The following NELL1 variants were observed in gnomAD, a reference collection of about 807,000 sequenced individuals.
NELL1 encodes the protein neural EGFL like 1.
NELL1 carries 76 observed loss-of-function variants against 107.4 expected under a neutral mutation model. That is an observed-to-expected ratio of 0.71 (90% CI 0.59 to 0.86). The LOEUF (loss-of-function observed/expected upper bound fraction) is 0.86. Among genes scored for constraint, NELL1 ranks in the 40% least tolerant of loss-of-function variants. The pLI, the probability that NELL1 is intolerant of heterozygous loss-of-function variation, is 0.00. For missense variants in NELL1, 1,024 were observed against 1,005.5 expected (o/e 1.02, Z -0.25); for synonymous variants, 353 against 341.2 (o/e 1.03, Z -0.38).
intron 2 of NELL1, among the ~76,000 whole-genome samples, chr11:20,722,975 G>A (rs1855426759): frequency 6.6e-6 from 1 of 152,122 alleles, no homozygotes; most frequent in South Asian, 2.1e-4. Context: ...GCAGGAGAGA[G>A]AGAGAATGAG....
intron 13 of NELL1, among the ~76,000 whole-genome samples, chr11:21,134,112 G>A (rs1347507001): frequency 1.3e-5 from 2 of 152,248 alleles, no homozygotes; most frequent in East Asian, 3.9e-4. Flanking sequence ...TGACTTTGGG[G>A]AAGACACTTT....
At chr11:21,252,987 T>C (rs1858678272) in intron 14 of NELL1, among the ~76,000 whole-genome samples, 1 of 152,102 alleles carries the variant, frequency 6.6e-6, no homozygotes, top group African/African-American at 2.4e-5. Flanking sequence ...ATACTTTACT[T>C]TGAAGTATTT....
intron 14 of NELL1, among the ~76,000 whole-genome samples, chr11:21,327,533 C>T (rs1038670239): frequency 1.3e-5 from 2 of 152,080 alleles, no homozygotes; most frequent in African/African-American, 2.4e-5. Context: ...TACCTAGTCT[C>T]CAGTGTGTCT....
intron 15 of NELL1, among the ~76,000 whole-genome samples, chr11:21,532,261 T>C (rs1175267177): frequency 2.0e-5 from 3 of 152,206 alleles, no homozygotes; most frequent in African/African-American, 7.2e-5. Context: ...TCACTGCTTT[T>C]GAAAGACTCC....
At chr11:21,003,686 G>T (rs1852271668) in intron 12 of NELL1, among the ~76,000 whole-genome samples, 1 of 152,108 alleles carries the variant, frequency 6.6e-6, no homozygotes, top group Admixed American at 6.6e-5. Flanking sequence ...CACTTGGTAA[G>T]CTGCAGGATG....
At chr11:21,560,778 C>T (rs1856830972) in intron 17 of NELL1, among the ~76,000 whole-genome samples, 1 of 152,086 alleles carries the variant, frequency 6.6e-6, no homozygotes, top group South Asian at 2.1e-4. Context: ...CATGAACTTG[C>T]TCACTTTATG....
At chr11:20,972,170 A>G (rs911292570) in intron 12 of NELL1, among the ~76,000 whole-genome samples, 1 of 152,340 alleles carries the variant, frequency 6.6e-6, no homozygotes, top group South Asian at 2.1e-4. Context: ...CACGACCTGT[A>G]CATATATCCC....
chr11:21,427,046 C>T (rs796806004), intron 15 of NELL1, among the ~76,000 whole-genome samples: 4 of 152,260 alleles, frequency 2.6e-5, no homozygotes, highest in African/African-American at 9.6e-5. Flanking sequence ...AGCCAGGCAG[C>T]TGGTGGTGCG....
intron 2 of NELL1, among the ~76,000 whole-genome samples, chr11:20,733,252 T>G (rs1169877317): frequency 6.6e-6 from 1 of 152,214 alleles, no homozygotes; most frequent in East Asian, 1.9e-4. Flanking sequence ...TCTTCTAACA[T>G]TCAGCTACAA....
chr11:21,442,078 T>G (rs753178918), intron 15 of NELL1, among the ~76,000 whole-genome samples: 4 of 152,176 alleles, frequency 2.6e-5, no homozygotes, highest in Non-Finnish European at 5.9e-5. Flanking sequence ...ATATTAACTT[T>G]TGTTTATTTA....
intron 12 of NELL1, among the ~76,000 whole-genome samples, chr11:21,061,424 G>A (rs1036267855): frequency 1.3e-5 from 2 of 152,184 alleles, no homozygotes; most frequent in Non-Finnish European, 2.9e-5. Flanking sequence ...GTACACAGGA[G>A]TTGACCAGAT....
intron 7 of NELL1, 117 bp downstream of exon 7, chr11:20,919,451 C>T (rs1000075055): frequency 1.6e-6 from 1 of 619,522 alleles, no homozygotes. Context: ...TATGTTACTA[C>T]AAAAATGTTT....
chr11:20,865,160 G>A (rs1490921388), intron 4 of NELL1, among the ~76,000 whole-genome samples: 1 of 152,158 alleles, frequency 6.6e-6, no homozygotes, highest in Non-Finnish European at 1.5e-5. Flanking sequence ...TCACTTGTAG[G>A]AGCTCTGAAA....
intron 13 of NELL1, among the ~76,000 whole-genome samples, chr11:21,228,991 C>T (rs1174716138): frequency 6.6e-6 from 1 of 151,836 alleles, no homozygotes; most frequent in Non-Finnish European, 1.5e-5. Flanking sequence ...CAGGATGAGG[C>T]AGTGCAAAAT....
At chr11:21,270,059 A>G (rs960114073) in intron 14 of NELL1, among the ~76,000 whole-genome samples, 2 of 152,094 alleles carry the variant, frequency 1.3e-5, no homozygotes, top group Non-Finnish European at 2.9e-5. Context: ...GTATATTGCT[A>G]TGCTAAGAAA....
chr11:21,455,987 C>CTGA lies in NELL1; in HGVS notation c.1646-78387_1646-78386insTGA, dbSNP rs1564902986. Among the ~76,000 whole-genome samples the CTGA allele has an allele frequency of 3.3e-5, 5 of 151,404 alleles. No individual in the cohort carries two copies. The East Asian group carries it at 9.8e-4, about 30-fold the overall frequency. On this transcript the variant is annotated intron_variant, in intron 15 of 19. Coordinates refer to ENST00000357134, the MANE Select transcript of NELL1 (RefSeq NM_006157.5). ...CACTACAACCTCTGCCTCCCAGGTC[C>CTGA]AGCATTTCTCCTGTCTCAGCCTCCC...
intron 15 of NELL1, among the ~76,000 whole-genome samples, chr11:21,404,232 T>C (rs1437771766): frequency 6.6e-6 from 1 of 151,918 alleles, no homozygotes. Context: ...TTCATTTTCC[T>C]ACCACATTTG....
rs75773499 is a variant in NELL1, at chr11:21,211,684, T to C, written c.1427-17648T>C. 7.5e-3 allele frequency among the ~76,000 whole-genome samples: 1,135 copies of C among 152,194 alleles called. 2 individuals carry two copies. The highest frequency in any genetic ancestry group is 0.012 in the Non-Finnish European group (787 of 68,002). On this transcript the variant is annotated intron_variant, in intron 13 of 19. Coordinates refer to ENST00000357134, the MANE Select transcript of NELL1 (RefSeq NM_006157.5). ...AGCGGAATGGCAATGGAAGTGGAAATGTGCAAATGAGTTTGAGAGATACTT... is the reference window on the plus strand; with the variant it reads ...AGCGGAATGGCAATGGAAGTGGAAACGTGCAAATGAGTTTGAGAGATACTT...
Position 21,081,582 on chromosome 11 carries a change from G to A in NELL1, c.1301-32007G>A, listed in dbSNP as rs114783693. ...TACTATCTCAGCTTATTATAGCACC[G>A]TCCCTCCAATTTGAACACTGGAAGC... On this transcript the variant is annotated intron_variant, in intron 12 of 19. Coordinates refer to ENST00000357134, the MANE Select transcript of NELL1 (RefSeq NM_006157.5). 5.0e-3 allele frequency among the ~76,000 whole-genome samples: 764 copies of A among 152,110 alleles called. 4 individuals are homozygous for A. Among genetic ancestry groups the A allele is most frequent in the African/African-American group, 0.017 (724 of 41,502 alleles).
Sources: allele counts gnomAD v4.1 joint callset (sites outside exome capture counted in the v4.1 genomes callset), GRCh38; gene constraint gnomAD v4.1.1; transcripts MANE v1.5; gene names NCBI Gene and HGNC (gene_info 2026-07-23, HGNC 2026-07-21).